USP30: variants seen among roughly 807,000 people sequenced by gnomAD.
The protein encoded by USP30 is ubiquitin carboxyl-terminal hydrolase 30.
A neutral mutation model predicts 68.2 loss-of-function variants in USP30; 41 were observed. The observed-to-expected ratio is 0.60, with a 90% CI of 0.47 to 0.78. The LOEUF (loss-of-function observed/expected upper bound fraction) is 0.78, where lower values mean the gene tolerates loss of function less well. Among genes scored for constraint, USP30 ranks in the 30% least tolerant of loss-of-function variants. The pLI is 0.00. For missense variants in USP30, 522 were observed against 649.4 expected (o/e 0.80, Z 2.13); for synonymous variants, 229 against 253.7 (o/e 0.90, Z 0.93).
upstream of USP30, among the ~76,000 whole-genome samples, chr12:109,049,827 G>GA (rs1052242720): frequency 2.0e-5 from 3 of 147,370 alleles, no homozygotes; most frequent in African/African-American, 2.5e-5. Flanking sequence ...AAAAAGAAAA[G>GA]AAAAAAAAAA....
intron 3 of USP30, among the ~76,000 whole-genome samples, chr12:109,037,049 C>T (rs2040526021): frequency 6.6e-6 from 1 of 151,998 alleles, no homozygotes; most frequent in South Asian, 2.1e-4. Flanking sequence ...TCTGGAATTA[C>T]CATTATGCCT....
At chr12:109,067,421 G>A (rs1254259953) in intron 3 of USP30, 103 bp from the exon 4 acceptor site, 2 of 1,056,190 alleles carry the variant, frequency 1.9e-6, no homozygotes, top group Non-Finnish European at 2.8e-6. Context: ...CCAGCCTGCG[G>A]TCTTTAATTT....
rs191372939 is a variant in USP30 at position 109,029,400 on chromosome 12, G to T, written c.-136+1844G>T. ...CTTATCACAGGCTTGGAATGTTTCT[G>T]TGTCTCTGTCTTGCTTATCTGGGAG... On this transcript the variant is annotated intron_variant, in intron 3 of 15. Coordinates refer to the USP30 transcript ENST00000392784. Among the ~76,000 whole-genome samples, 176 of 152,310 alleles carry T rather than the reference G, an allele frequency of 1.2e-3. 3 individuals are homozygous for T. In the South Asian group the frequency reaches 0.021, roughly 18 times the overall value.
chr12:109,059,729 T>G (rs1415722187), intron 3 of USP30, among the ~76,000 whole-genome samples: 1 of 152,126 alleles, frequency 6.6e-6, no homozygotes, highest in Non-Finnish European at 1.5e-5. Flanking sequence ...GCCAGACATG[T>G]CTCGAACTCC....
intron 9 of USP30, chr12:109,082,422 C>A (rs1272081138): frequency 3.6e-6 from 2 of 563,280 alleles, no homozygotes; most frequent in Admixed American, 3.1e-5. Flanking sequence ...TAATAGATGA[C>A]ATGCCAGTGT....
chr12:109,083,724 C>T (rs1838132448), intron 11 of USP30, among the ~76,000 whole-genome samples: 1 of 152,134 alleles, frequency 6.6e-6, no homozygotes, highest in South Asian at 2.1e-4. Flanking sequence ...AAAACCCACT[C>T]ACTTGAAGGG....
At chr12:109,083,107 G>C in intron 11 of USP30, 45 bp downstream of exon 11, 1 of 1,541,646 alleles carries the variant, frequency 6.5e-7, no homozygotes, top group Non-Finnish European at 8.7e-7. Flanking sequence ...TTTCAGCACA[G>C]AGAAAAGCAG....
At chr12:109,080,865 C>T (rs929349849) in intron 7 of USP30, among the ~76,000 whole-genome samples, 2 of 152,168 alleles carry the variant, frequency 1.3e-5, no homozygotes, top group Admixed American at 1.3e-4. Context: ...GGAGTAGTAG[C>T]TAGACAGTAT....
intron 3 of USP30, among the ~76,000 whole-genome samples, chr12:109,067,280 ATT>A (rs35837643): frequency 1.2e-4 from 18 of 147,810 alleles, no homozygotes; most frequent in Admixed American, 3.4e-4. Context: ...CGCCCGGCTA[ATT>A]TTTTTTTTTT....
rs1349312319 is a variant in USP30 at position 109,085,217 on chromosome 12, T to C, written c.1289+144T>C. 2.9e-6 allele frequency: 3 copies of C among 1,030,302 alleles called. No homozygotes were observed. The East Asian group carries it at 8.4e-5, about 29-fold the overall frequency. The allele number at this position is 1,030,302 out of a possible 1,614,324, so 63.8% of individuals were successfully genotyped here. ...AGTTTCACGATTACACATTCCTATTTATTTTTGTCCAAAATGGAAATAACT... is the reference window on the plus strand; with the variant it reads ...AGTTTCACGATTACACATTCCTATTCATTTTTGTCCAAAATGGAAATAACT... On this transcript the variant is annotated intron_variant, in intron 12 of 12. Coordinates refer to ENST00000257548, the MANE Select transcript of USP30 (RefSeq NM_032663.5).
At chr12:109,063,329 G>A (rs1241993223) in intron 3 of USP30, among the ~76,000 whole-genome samples, 3 of 152,118 alleles carry the variant, frequency 2.0e-5, no homozygotes, top group Non-Finnish European at 4.4e-5. Context: ...TTGAACTCCT[G>A]ACTTCAAGTG....
intron 3 of USP30, among the ~76,000 whole-genome samples, chr12:109,032,611 G>A (rs887482982): frequency 6.6e-6 from 1 of 152,214 alleles, no homozygotes; most frequent in African/African-American, 2.4e-5. Flanking sequence ...CAAATCCATA[G>A]AGACAGAGAG....
At chr12:109,050,867 C>T (rs1372978641), upstream of USP30, among the ~76,000 whole-genome samples, 1 of 151,968 alleles carries the variant, frequency 6.6e-6, no homozygotes, top group Admixed American at 6.6e-5. Context: ...ATTAGCCGGG[C>T]GTGGTGGTGT....
intron 7 of USP30, among the ~76,000 whole-genome samples, chr12:109,079,333 CTTTTTCTTTTTT>C (rs1566103543): frequency 1.3e-3 from 45 of 34,604 alleles, no homozygotes; most frequent in African/African-American, 3.8e-3. Context: ...TTTTTCTTTT[CTTTTTCTTTTTT>C]TTTTTCTTTT....
chr12:109,049,944 C>A (rs2040643965), upstream of USP30, among the ~76,000 whole-genome samples: 1 of 152,126 alleles, frequency 6.6e-6, no homozygotes, highest in East Asian at 1.9e-4. Flanking sequence ...TAGCCACAAA[C>A]CTTGAACTTG....
At chr12:109,056,364 T>C (rs887896041) in intron 1 of USP30, among the ~76,000 whole-genome samples, 5 of 152,118 alleles carry the variant, frequency 3.3e-5, no homozygotes, top group Admixed American at 3.3e-4. Context: ...AGCTAATTTT[T>C]GTGTTTTTAG....
chr12:109,048,783 T>G, upstream of USP30, among the ~76,000 whole-genome samples: 1 of 150,858 alleles, frequency 6.6e-6, no homozygotes, highest in African/African-American at 2.4e-5. Context: ...AAAAACCGGA[T>G]GTAAAACAGT....
At chr12:109,080,527 C>T (rs148965251) in intron 7 of USP30, among the ~76,000 whole-genome samples, 387 of 152,310 alleles carry the variant, frequency 2.5e-3, no homozygotes, top group Non-Finnish European at 4.8e-3. Context: ...CCTACTTCAT[C>T]GTCTCCTTTT....
At position 109,086,717 on chromosome 12, in the gene USP30, C is replaced by T; in HGVS notation, c.*786C>T. Reference sequence around the variant, plus strand: ...TGGATCTTTGCAACACCTGATTCCTCTGCTCTGTGGAAAACTTTTTCTTAC... The same window carrying T: ...TGGATCTTTGCAACACCTGATTCCTTTGCTCTGTGGAAAACTTTTTCTTAC... On this transcript the variant is annotated 3_prime_UTR_variant, in exon 13 of 13. Coordinates refer to ENST00000257548, the MANE Select transcript of USP30 (RefSeq NM_032663.5). 6.6e-6 allele frequency: 1 copy of T among 152,394 alleles called. No individual in the cohort carries two copies. Among genetic ancestry groups the T allele is most frequent in the East Asian group, 1.9e-4 (1 of 5,184 alleles). The allele number at this position is 152,394 out of a possible 1,614,324, so 9.4% of individuals were successfully genotyped here. A position where few individuals can be genotyped will look rare whatever the true frequency, so the allele number is the denominator to read the frequency against.
Sources: allele counts gnomAD v4.1 joint callset (sites outside exome capture counted in the v4.1 genomes callset), GRCh38; gene constraint gnomAD v4.1.1; transcripts MANE v1.5; gene names NCBI Gene and HGNC (gene_info 2026-07-23, HGNC 2026-07-21).